The following THEM4 variants were observed in gnomAD, a reference collection of about 807,000 sequenced individuals.
THEM4 encodes thioesterase superfamily member 4.
A neutral mutation model predicts 25.0 loss-of-function variants in THEM4; 22 were observed. The ratio of observed to expected loss-of-function variants is 0.88; its 90% CI spans 0.63 to 1.26. THEM4 has a LOEUF of 1.26. THEM4 is among the 50% of genes most tolerant of loss of function. The pLI, the probability that THEM4 is intolerant of heterozygous loss-of-function variation, is 0.00. For synonymous variants in THEM4, 113 were observed against 105.6 expected (o/e 1.07, Z -0.43); for missense variants, 286 against 300.3 (o/e 0.95, Z 0.35).
intron 4 of THEM4, among the ~76,000 whole-genome samples, chr1:151,878,889 T>TACAC (rs144026658): frequency 0.23 from 28,806 of 127,546 alleles, 4,389 homozygotes; most frequent in South Asian, 0.43. Flanking sequence ...TGTATATGTC[T>TACAC]ATACACACAC....
At position 151,888,360 on chromosome 1, in the gene THEM4, G is replaced by A. The variant is rs200293623; in HGVS notation, c.470C>T (p.Ala157Val). Residue 157 changes from alanine to valine, a missense_variant, in exon 4 of 6, where the codon GCA (alanine) becomes GTA (valine). Coordinates refer to ENST00000368814, the MANE Select transcript of THEM4 (RefSeq NM_053055.5). Reference protein sequence around the residue: ...PPGFIHGGAIATMIDATVGMC... With the variant: ...PPGFIHGGAIVTMIDATVGMC... ...ACCAACAGTAGCATCAATCATGGTTGCAATGGCACCTCCATGAATGAATCT... is the reference window on the plus strand; with the variant it reads ...ACCAACAGTAGCATCAATCATGGTTACAATGGCACCTCCATGAATGAATCT... 1 of 1,612,798 alleles carries A rather than the reference G, an allele frequency of 6.2e-7. No individual in the cohort carries two copies. Among genetic ancestry groups the A allele is most frequent in the African/African-American group, 1.3e-5 (1 of 74,902 alleles).
Position 151,894,954 on chromosome 1 carries a change from C to G in THEM4, c.286+54G>C, listed in dbSNP as rs563022130. Reference sequence around the variant, plus strand: ...GTAGTAACTAGTACTTCAATCTGTTCTTAGCTTTATATTTGATGCTCAGAT... The same window carrying G: ...GTAGTAACTAGTACTTCAATCTGTTGTTAGCTTTATATTTGATGCTCAGAT... On this transcript the variant is annotated intron_variant, in intron 2 of 5. Transcript: ENST00000368814. 4 of 1,573,884 alleles carry G rather than the reference C, an allele frequency of 2.5e-6. No individual in the cohort carries two copies. The South Asian group carries it at 4.4e-5, about 17-fold the overall frequency.
At position 151,876,937 on chromosome 1, in the gene THEM4, A is replaced by AC. The variant is rs1653695402; in HGVS notation, c.682+63dup. 31 of 1,532,226 alleles carry AC rather than the reference A, an allele frequency of 2.0e-5. No homozygotes were observed. In the South Asian group the frequency reaches 3.3e-4, roughly 16 times the overall value. The allele number at this position is 1,532,226 out of a possible 1,614,324, so 94.9% of individuals were successfully genotyped here. A position where few individuals can be genotyped will look rare whatever the true frequency, so the allele number is the denominator to read the frequency against. On this transcript the variant is annotated intron_variant, in intron 5 of 5. Transcript: ENST00000368814. ...AAAACCCAAATCAACCAACCAACCA[A>AC]CCAACCAAAACTCCCAACCCAACCC...
chr1:151,901,931 A>G (rs1199496151), intron 1 of THEM4, among the ~76,000 whole-genome samples: 1 of 152,250 alleles, frequency 6.6e-6, no homozygotes, highest in Admixed American at 6.5e-5. Flanking sequence ...GGAAATTTAA[A>G]AAATTCTTCA....
At chr1:151,879,222 C>T (rs1042011852) in intron 4 of THEM4, among the ~76,000 whole-genome samples, 14 of 152,054 alleles carry the variant, frequency 9.2e-5, no homozygotes, top group Middle Eastern at 6.8e-3. Flanking sequence ...AGGCACTAAG[C>T]GGAAGGAGGA....
intron 5 of THEM4, among the ~76,000 whole-genome samples, chr1:151,875,490 C>G (rs1160362675): frequency 6.6e-6 from 1 of 152,060 alleles, no homozygotes; most frequent in Non-Finnish European, 1.5e-5. Flanking sequence ...TAAAAGACAA[C>G]TTACACACTG....
intron 1 of THEM4, 28 bp from the exon 2 acceptor site, chr1:151,895,222 A>C: frequency 6.5e-7 from 1 of 1,548,762 alleles, no homozygotes; most frequent in Non-Finnish European, 8.8e-7. Context: ...AAGAAAAGTA[A>C]GTAATGGGAG....
intron 1 of THEM4, among the ~76,000 whole-genome samples, chr1:151,905,324 C>A (rs1297374541): frequency 2.0e-5 from 3 of 152,110 alleles, no homozygotes; most frequent in Non-Finnish European, 1.5e-5. Flanking sequence ...CAATAAATTC[C>A]ATTATTCTCA....
At chr1:151,887,761 TAC>T (rs994813580) in intron 4 of THEM4, among the ~76,000 whole-genome samples, 1 of 152,164 alleles carries the variant, frequency 6.6e-6, no homozygotes, top group Non-Finnish European at 1.5e-5. Context: ...AAGCTAGGAC[TAC>T]AGACGTGCAC....
chr1:151,897,460 A>G (rs1040856111), intron 1 of THEM4, among the ~76,000 whole-genome samples: 1 of 152,162 alleles, frequency 6.6e-6, no homozygotes, highest in African/African-American at 2.4e-5. Context: ...GCCCTCGAAC[A>G]TCGGACTCCA....
chr1:151,908,947 A>G (rs1654534650), intron 1 of THEM4, among the ~76,000 whole-genome samples: 1 of 152,224 alleles, frequency 6.6e-6, no homozygotes. Context: ...CTAAAGGAAG[A>G]TAAGCGTTTG....
chr1:151,891,471 G>A (rs1654090925), intron 2 of THEM4: 1 of 152,178 alleles, frequency 6.6e-6, no homozygotes. Flanking sequence ...ATTCATCCAG[G>A]GCTGGGGTTT....
At chr1:151,875,820 A>T (rs1252039265) in intron 5 of THEM4, among the ~76,000 whole-genome samples, 1 of 152,158 alleles carries the variant, frequency 6.6e-6, no homozygotes, top group African/African-American at 2.4e-5. Context: ...TGCTGGTGGG[A>T]GTTTAATTTG....
At chr1:151,882,384 A>G (rs1016496620) in intron 4 of THEM4, among the ~76,000 whole-genome samples, 7 of 152,180 alleles carry the variant, frequency 4.6e-5, no homozygotes, top group Admixed American at 6.5e-5. Flanking sequence ...AAAAAAAAAA[A>G]AAAAAAGCTT....
In THEM4 at chr1:151,883,094, TTTTATTTATTTA is replaced by T. The variant is rs10639543; in HGVS notation, c.557+5167_557+5178del. Among the ~76,000 whole-genome samples the T allele has an allele frequency of 2.5e-3, 345 of 138,348 alleles. 1 individual carries two copies. Among genetic ancestry groups the T allele is most frequent in the African/African-American group, 8.9e-3 (326 of 36,750 alleles). The allele number at this position is 138,348 out of a possible 152,430, so 90.8% of individuals were successfully genotyped here. A position where few individuals can be genotyped will look rare whatever the true frequency, so the allele number is the denominator to read the frequency against. On this transcript the variant is annotated intron_variant, in intron 4 of 5. Coordinates refer to ENST00000368814, the MANE Select transcript of THEM4 (RefSeq NM_053055.5). The stretch of plus-strand genomic sequence containing the variant: ...GTGCAAGGGGGGATCTGTCAAATGC[TTTTATTTATTTA>T]TTTATTTATTTATTTATTTATTTAT...
intron 1 of THEM4, 29 bp from the exon 2 acceptor site, chr1:151,895,223 G>A (rs1281754976): frequency 7.8e-6 from 12 of 1,531,736 alleles, no homozygotes; most frequent in Non-Finnish European, 1.1e-5. Flanking sequence ...AGAAAAGTAA[G>A]TAATGGGAGG....
At chr1:151,906,266 G>A (rs976395936) in intron 1 of THEM4, among the ~76,000 whole-genome samples, 6 of 152,220 alleles carry the variant, frequency 3.9e-5, no homozygotes, top group Admixed American at 3.9e-4. Flanking sequence ...CGCAATGAGG[G>A]GCTTAGCACC....
chr1:151,895,149 G>T lies in THEM4; in HGVS notation c.145C>A (p.Pro49Thr), dbSNP rs199984628. ...EEVILKDCSVPNPSWNKDLRL... is the reference protein window; with the variant it reads ...EEVILKDCSVTNPSWNKDLRL... ...AGGTCCTTGTTCCAGCTGGGGTTGGGGACAGAACAGTCCTTAAGAATGACT... is the reference window on the plus strand; with the variant it reads ...AGGTCCTTGTTCCAGCTGGGGTTGGTGACAGAACAGTCCTTAAGAATGACT... The change falls in exon 2 of 6, where the codon CCC (proline) becomes ACC (threonine). Residue 49 changes from proline (P) to threonine (T), a missense_variant. Coordinates refer to ENST00000368814, the MANE Select transcript of THEM4 (RefSeq NM_053055.5). 9.9e-6 allele frequency: 16 copies of T among 1,613,758 alleles called. No homozygotes were observed. The highest frequency in any genetic ancestry group is 3.4e-6 in the Non-Finnish European group (4 of 1,179,984).
chr1:151,904,045 C>T (rs770323436), intron 1 of THEM4, among the ~76,000 whole-genome samples: 7 of 152,084 alleles, frequency 4.6e-5, no homozygotes, highest in South Asian at 4.1e-4. Context: ...AGGCATAGAA[C>T]GGATGACTTT....
Sources: gnomAD v4.1 joint callset for allele counts (sites outside exome capture counted in the v4.1 genomes callset) on GRCh38, gnomAD v4.1.1 for gene constraint, MANE v1.5 for transcripts, NCBI Gene and HGNC (gene_info 2026-07-23, HGNC 2026-07-21) for gene names.